EVL: variants seen among roughly 807,000 people sequenced by gnomAD.
The protein encoded by EVL is ena/VASP-like protein.
In EVL, 21 loss-of-function variants were observed where a neutral mutation model predicts 59.6. That is an observed-to-expected ratio of 0.35 (90% confidence interval 0.25 to 0.51). EVL has a LOEUF of 0.51. Among genes scored for constraint, EVL ranks in the 20% least tolerant of loss-of-function variants. The pLI is 0.97. For missense variants in EVL, 462 were observed against 546.6 expected (o/e 0.85, Z 1.54); for synonymous variants, 198 against 203.5 (o/e 0.97, Z 0.23).
chr14:100,055,398 A>G (rs1256709379), intron 1 of EVL, among the ~76,000 whole-genome samples: 2 of 152,108 alleles, frequency 1.3e-5, no homozygotes, highest in African/African-American at 4.8e-5. Flanking sequence ...GGATGCTCCC[A>G]CTTGCCATAC....
intron 1 of EVL, among the ~76,000 whole-genome samples, chr14:100,060,393 T>C (rs1377433923): frequency 1.4e-5 from 2 of 141,576 alleles, no homozygotes; most frequent in Non-Finnish European, 3.0e-5. Context: ...ATCGCGCCAC[T>C]GCACTCCAGC....
intron 3 of EVL, among the ~76,000 whole-genome samples, chr14:100,104,873 GGT>G (rs1886459748): frequency 6.6e-6 from 1 of 150,850 alleles, no homozygotes; most frequent in African/African-American, 2.4e-5. Flanking sequence ...GGGTTTTAGG[GGT>G]ATATAATCCA....
At chr14:100,038,220 G>A (rs1403469516) in intron 1 of EVL, among the ~76,000 whole-genome samples, 1 of 152,222 alleles carries the variant, frequency 6.6e-6, no homozygotes, top group African/African-American at 2.4e-5. Flanking sequence ...ATAGAATTAA[G>A]AGGAAAAGAA....
intron 9 of EVL, 110 bp downstream of exon 9, chr14:100,136,078 A>G: frequency 8.0e-7 from 1 of 1,254,960 alleles, no homozygotes; most frequent in Non-Finnish European, 1.1e-6. Context: ...GCCTGAGCAG[A>G]GGGCCAGGCC....
At position 100,056,076 on chromosome 14, in the gene EVL, C is replaced by T. The variant is rs528696383; in HGVS notation, c.6-28611C>T. Among the ~76,000 whole-genome samples, 50 of 152,288 alleles carry T rather than the reference C, an allele frequency of 3.3e-4. 1 individual carries two copies. The highest frequency in any genetic ancestry group is 1.2e-4 in the Non-Finnish European group (8 of 68,022). Reference sequence around the variant, plus strand: ...CCGCCCACCTCGGCCTCCCAAAGTGCTGGGATTACAGGCGTGAGCCACCGC... The same window carrying T: ...CCGCCCACCTCGGCCTCCCAAAGTGTTGGGATTACAGGCGTGAGCCACCGC... On this transcript the variant is annotated intron_variant, in intron 1 of 13. Transcript: ENST00000402714.
upstream of EVL, among the ~76,000 whole-genome samples, chr14:100,063,590 C>T (rs948853773): frequency 6.6e-6 from 1 of 152,194 alleles, no homozygotes; most frequent in Non-Finnish European, 1.5e-5. Context: ...TCCACAGTCA[C>T]AGTTGAAGAT....
intron 1 of EVL, among the ~76,000 whole-genome samples, chr14:100,047,108 A>ATC (rs200568848): frequency 3.0e-3 from 74 of 24,736 alleles, no homozygotes; most frequent in African/African-American, 0.011. Flanking sequence ...CCTTGGGCAG[A>ATC]TCTCTCTCTC....
intron 1 of EVL, among the ~76,000 whole-genome samples, chr14:100,049,215 TC>T (rs1178421966): frequency 1.3e-5 from 2 of 152,194 alleles, no homozygotes; most frequent in Non-Finnish European, 2.9e-5. Flanking sequence ...CTTTAAATGT[TC>T]CTTAAAACCA....
At chr14:100,051,841 T>C (rs1387142712) in intron 1 of EVL, among the ~76,000 whole-genome samples, 3 of 152,190 alleles carry the variant, frequency 2.0e-5, no homozygotes, top group Non-Finnish European at 4.4e-5. Flanking sequence ...AGGAAATGTG[T>C]CTGTGTGCTG....
chr14:100,128,941 T>A (rs3783337), intron 6 of EVL, among the ~76,000 whole-genome samples, 193 bp downstream of exon 6: 122,565 of 152,188 alleles, frequency 0.81, 49,692 homozygotes, highest in African/African-American at 0.9. Context: ...GAAGTTAGCC[T>A]TTGAGCCTCA....
At chr14:100,100,784 C>CAAAAAA (rs60820079) in intron 3 of EVL, among the ~76,000 whole-genome samples, 1 of 47,682 alleles carries the variant, frequency 2.1e-5, no homozygotes, top group South Asian at 7.6e-4. Context: ...GAGTCTGTCT[C>CAAAAAA]AAAAAAAAAA....
chr14:100,075,883 C>G (rs192996272), intron 1 of EVL, among the ~76,000 whole-genome samples: 309 of 152,320 alleles, frequency 2.0e-3, no homozygotes, highest in Non-Finnish European at 3.5e-3. Flanking sequence ...GACAATAACT[C>G]CTCCTACAAA....
At chr14:100,011,069 T>G (rs1046995924) in intron 1 of EVL, among the ~76,000 whole-genome samples, 3 of 152,202 alleles carry the variant, frequency 2.0e-5, no homozygotes, top group African/African-American at 7.2e-5. Flanking sequence ...ATAAAGAACA[T>G]GTGAATGAGG....
intron 2 of EVL, among the ~76,000 whole-genome samples, chr14:100,088,644 T>C (rs962301005): frequency 4.6e-5 from 7 of 152,232 alleles, no homozygotes; most frequent in Admixed American, 4.6e-4. Context: ...TATAGTCTTA[T>C]GGGACCACCA....
At chr14:99,996,930 G>A (rs998034148) in intron 1 of EVL, among the ~76,000 whole-genome samples, 6 of 152,172 alleles carry the variant, frequency 3.9e-5, no homozygotes, top group Admixed American at 1.3e-4. Context: ...GATTACAGAC[G>A]TGAGCCACTG....
At chr14:100,082,195 G>A (rs1411015874) in intron 1 of EVL, among the ~76,000 whole-genome samples, 1 of 149,048 alleles carries the variant, frequency 6.7e-6, no homozygotes, top group African/African-American at 2.5e-5. Flanking sequence ...ATCCCTCCAG[G>A]CTGGATAAGG....
chr14:100,006,313 T>G (rs1201482882), intron 1 of EVL, among the ~76,000 whole-genome samples: 2 of 150,100 alleles, frequency 1.3e-5, no homozygotes, highest in Non-Finnish European at 1.5e-5. Flanking sequence ...GAGACAGAGT[T>G]TCGTTCTGTC....
chr14:100,093,020 C>T (rs1332700156), intron 2 of EVL, among the ~76,000 whole-genome samples: 1 of 152,190 alleles, frequency 6.6e-6, no homozygotes, highest in Non-Finnish European at 1.5e-5. Context: ...CAGGTGGATC[C>T]TTTGACTCAC....
At position 99,979,113 on chromosome 14, in the gene EVL, A is replaced by G. The variant is rs535164580; in HGVS notation, c.5+7056A>G. 9.2e-5 allele frequency among the ~76,000 whole-genome samples: 14 copies of G among 152,224 alleles called. No individual in the cohort carries two copies. In the East Asian group the frequency reaches 2.7e-3, roughly 29 times the overall value. On this transcript the variant is annotated intron_variant, in intron 1 of 13. Coordinates refer to the EVL transcript ENST00000402714. ...TTACTGTTGTCTGGTACTGGATTAG[A>G]TGGGGTAAGGAGGTGTAAGGAACTA... is the stretch of plus-strand genomic sequence containing the variant.
Sources: allele counts gnomAD v4.1 joint callset (sites outside exome capture counted in the v4.1 genomes callset), GRCh38; gene constraint gnomAD v4.1.1; transcripts MANE v1.5; gene names NCBI Gene and HGNC (gene_info 2026-07-23, HGNC 2026-07-21).